The following MADD variants were observed in gnomAD, a reference collection of about 807,000 sequenced individuals.
MADD encodes the protein MAP kinase-activating death domain protein.
In MADD, 109 loss-of-function variants were observed where a neutral mutation model predicts 176.7. The ratio of observed to expected loss-of-function variants is 0.62; its 90% CI spans 0.53 to 0.72. The LOEUF is 0.72. Among genes scored for constraint, MADD ranks in the 30% least tolerant of loss-of-function variants. The pLI, the probability that MADD is intolerant of heterozygous loss-of-function variation, is 0.00. For synonymous variants in MADD, 771 were observed against 771.3 expected, an observed-to-expected ratio of 1.00 and a Z score of 0.01; for missense variants, 1,914 against 2,045.5, an observed-to-expected ratio of 0.94 and a Z score of 1.24.
chr11:47,307,930 A>G (rs1404502010), intron 22 of MADD, among the ~76,000 whole-genome samples: 2 of 152,240 alleles, frequency 1.3e-5, no homozygotes, highest in Middle Eastern at 3.2e-3. Context: ...TGGCCTCCCA[A>G]AGTGTTGGGA....
upstream of MADD, chr11:47,269,968 C>G (rs1171317924): frequency 1.3e-5 from 2 of 152,266 alleles, no homozygotes; most frequent in Non-Finnish European, 2.9e-5. Flanking sequence ...CGCGCCCTCC[C>G]GCGCCCACGG....
chr11:47,292,183 G>A (rs1273865533), intron 19 of MADD, among the ~76,000 whole-genome samples: 7 of 152,210 alleles, frequency 4.6e-5, no homozygotes, highest in Non-Finnish European at 8.8e-5. Flanking sequence ...CATGGTGGGA[G>A]TTTAAATGGA....
At chr11:47,321,471 T>C (rs927070648) in intron 27 of MADD, among the ~76,000 whole-genome samples, 1 of 152,188 alleles carries the variant, frequency 6.6e-6, no homozygotes, top group African/African-American at 2.4e-5. Flanking sequence ...TTGTTGGGTG[T>C]TGGGATTATA....
chr11:47,316,801 T>A (rs1316909650), intron 27 of MADD, among the ~76,000 whole-genome samples: 1 of 152,118 alleles, frequency 6.6e-6, no homozygotes, highest in Non-Finnish European at 1.5e-5. Context: ...TGGAGTGCAG[T>A]GGTCCAAACT....
chr11:47,295,575 C>T (rs770203574), exon 21 of MADD: 2 of 1,614,016 alleles, frequency 1.2e-6, no homozygotes, highest in Admixed American at 1.7e-5. Flanking sequence ...GAAGTTAGCA[C>T]CGTGGTAGGG....
At chr11:47,278,069 T>G in intron 5 of MADD, 96 bp from the exon 6 acceptor site, 1 of 811,674 alleles carries the variant, frequency 1.2e-6, no homozygotes, top group Non-Finnish European at 2.1e-6. Context: ...GGAAGAGGGA[T>G]TGTATCTGCA....
chr11:47,287,251 G>A (rs963963741), intron 15 of MADD, among the ~76,000 whole-genome samples: 1 of 152,202 alleles, frequency 6.6e-6, no homozygotes, highest in Non-Finnish European at 1.5e-5. Flanking sequence ...GAATCCAGGA[G>A]GCGGAGGTTG....
At position 47,281,717 on chromosome 11, in the gene MADD, A is replaced by G. The variant is rs1007108913; in HGVS notation, c.1433A>G (p.Tyr478Cys). The G allele has an allele frequency of 5.6e-6, 9 of 1,612,520 alleles. No homozygotes were observed. The highest frequency in any genetic ancestry group is 5.0e-5 in the Admixed American group (3 of 59,962). Residue 478 changes from tyrosine to cysteine, a missense_variant, in exon 8 of 33, where the codon TAT (tyrosine) becomes TGT (cysteine). Transcript: ENST00000402192. ...TCCACTGAATTCAACCCACTCATCT[A>G]TGGCAATGATGTGGATTCTGTGGAT... is the stretch of plus-strand genomic sequence containing the variant.
chr11:47,298,731 G>C (rs1338135947), intron 22 of MADD, among the ~76,000 whole-genome samples: 1 of 151,980 alleles, frequency 6.6e-6, no homozygotes, highest in Non-Finnish European at 1.5e-5. Context: ...GTACTTTTGA[G>C]GTCTCCATAA....
exon 2 of MADD, chr11:47,273,957 C>T: frequency 6.2e-7 from 1 of 1,614,028 alleles, no homozygotes; most frequent in Non-Finnish European, 8.5e-7. Flanking sequence ...ACTTGACTAT[C>T]TAGTGATCGT....
exon 18 of MADD, chr11:47,290,232 G>A (rs758267791): frequency 9.3e-6 from 15 of 1,614,122 alleles, no homozygotes; most frequent in South Asian, 2.2e-5. Flanking sequence ...ATGCCCACGC[G>A]GGTCTGGGTG....
At chr11:47,280,663 C>G (rs1040731011) in intron 7 of MADD, among the ~76,000 whole-genome samples, 3 of 152,212 alleles carry the variant, frequency 2.0e-5, no homozygotes, top group African/African-American at 7.2e-5. Context: ...CTCCCAAGTT[C>G]AAGCGAATCT....
chr11:47,296,834 A>G (rs1057250790), intron 22 of MADD, among the ~76,000 whole-genome samples: 10 of 142,444 alleles, frequency 7.0e-5, no homozygotes, highest in African/African-American at 2.7e-4. Flanking sequence ...TGGCACAGTC[A>G]CTGCTCAACT....
intron 22 of MADD, among the ~76,000 whole-genome samples, chr11:47,302,717 C>T (rs375601525): frequency 1.3e-5 from 2 of 151,822 alleles, no homozygotes; most frequent in African/African-American, 4.8e-5. Flanking sequence ...AGCCAGTCTA[C>T]CCCTTTTAAG....
chr11:47,298,866 C>T (rs1188580284), intron 22 of MADD, among the ~76,000 whole-genome samples: 1 of 152,066 alleles, frequency 6.6e-6, no homozygotes, highest in Non-Finnish European at 1.5e-5. Flanking sequence ...ATGGTGAGAG[C>T]TAAGGGGTCT....
At chr11:47,304,633 A>G (rs56825896) in intron 22 of MADD, among the ~76,000 whole-genome samples, 16,798 of 152,238 alleles carry the variant, frequency 0.11, 1,075 homozygotes, top group South Asian at 0.23. Flanking sequence ...AATTCATATC[A>G]TGAACTGTTC....
intron 28 of MADD, 77 bp from the exon 32 acceptor site, chr11:47,324,188 C>T: frequency 7.6e-7 from 1 of 1,323,150 alleles, no homozygotes; most frequent in Non-Finnish European, 1.1e-6. Context: ...CTCCAGCCTT[C>T]AGTGGCCATT....
At chr11:47,300,441 A>G in intron 22 of MADD, among the ~76,000 whole-genome samples, 1 of 138,886 alleles carries the variant, frequency 7.2e-6, no homozygotes. Context: ...TCCTGACCTC[A>G]AGTGATCTAC....
chr11:47,317,656 A>T (rs1009722578), intron 27 of MADD, among the ~76,000 whole-genome samples: 2 of 152,122 alleles, frequency 1.3e-5, no homozygotes, highest in African/African-American at 4.8e-5. Context: ...TCCCTCTCTT[A>T]CACATCAGTG....
Sources: allele counts gnomAD v4.1 joint callset (sites outside exome capture counted in the v4.1 genomes callset), GRCh38; gene constraint gnomAD v4.1.1; transcripts MANE v1.5; gene names NCBI Gene and HGNC (gene_info 2026-07-23, HGNC 2026-07-21).